Variants in CFAP46 observed in about 807,000 individuals in gnomAD.
The protein encoded by CFAP46 is cilia- and flagella-associated protein 46.
CFAP46 carries 245 observed loss-of-function variants against 325.7 expected under a neutral mutation model. The observed-to-expected ratio is 0.75, with a 90% CI of 0.68 to 0.84. The LOEUF is 0.84. CFAP46 is among the 40% of genes least tolerant of loss of function. The pLI, the probability that CFAP46 is intolerant of heterozygous loss-of-function variation, is 0.00. For synonymous variants in CFAP46, 1,523 were observed against 1,495.9 expected (o/e 1.02, Z -0.42); for missense variants, 3,346 against 3,543.0 (o/e 0.94, Z 1.41).
At chr10:132,825,252 CTG>C (rs967571718) in intron 50 of CFAP46, among the ~76,000 whole-genome samples, 11 of 144,166 alleles carry the variant, frequency 7.6e-5, no homozygotes, top group Non-Finnish European at 7.6e-5. Context: ...CTGATGTGTG[CTG>C]TGTGAGTGCT....
chr10:132,860,641 G>A, intron 36 of CFAP46, 118 bp from the exon 37 acceptor site: 1 of 1,181,526 alleles, frequency 8.5e-7, no homozygotes, highest in South Asian at 1.4e-5. Flanking sequence ...GGTAGATACG[G>A]GTGTGTCTGA....
In CFAP46 at chr10:132,811,043, G is replaced by T. The variant is rs1198206680; in HGVS notation, c.7502-12C>A. 4 of 1,574,632 alleles carry T rather than the reference G, an allele frequency of 2.5e-6. No homozygotes were observed. Among genetic ancestry groups the T allele is most frequent in the East Asian group, 2.3e-5 (1 of 42,974 alleles). On this transcript the variant is annotated splice_polypyrimidine_tract_variant and intron_variant, in intron 55 of 57. Transcript: ENST00000368586. ...TGCCACCTGGCACTCTGCCGGGACG[G>T]GAAGGGCAGCTCAGCAGCCTTGGCC... is the stretch of plus-strand genomic sequence containing the variant.
In CFAP46 at chr10:132,913,165, C is replaced by T. The variant is rs1348142227; in HGVS notation, c.2214G>A (p.Gln738=). The T allele has an allele frequency of 6.5e-7, 1 of 1,550,336 alleles. No homozygotes were observed. The highest frequency in any genetic ancestry group is 8.7e-7 in the Non-Finnish European group (1 of 1,147,012). Residue 738 remains glutamine (Q), a synonymous_variant, in exon 18 of 58, where the codon CAG becomes CAA. Transcript: ENST00000368586. ...GQEIQEAWIV[Q]NAVVYVLNHN... is the part of the protein sequence containing the mutation. ...GGTTCAGGACGTAGACCACGGCGTT[C>T]TGCACAATCCACGCCTCCTGGATCT...
intron 28 of CFAP46, among the ~76,000 whole-genome samples, chr10:132,880,184 G>A (rs1849018628): frequency 1.3e-5 from 2 of 152,206 alleles, no homozygotes; most frequent in African/African-American, 4.8e-5. Flanking sequence ...CTTCACGGCA[G>A]GACTGCCGAG....
chr10:132,823,098 ATGTGCTGATGTGTGCTGTGTG>A (rs1043088772), intron 50 of CFAP46, among the ~76,000 whole-genome samples: 4 of 47,110 alleles, frequency 8.5e-5, no homozygotes, highest in East Asian at 8.5e-4. Flanking sequence ...TGTGCTTTGT[ATGTGCTGATGTGTGCTGTGTG>A]TGTGCTGATG....
At chr10:132,908,815 G>T (rs1849497472) in intron 21 of CFAP46, among the ~76,000 whole-genome samples, 181 bp from the exon 22 acceptor site, 1 of 152,234 alleles carries the variant, frequency 6.6e-6, no homozygotes, top group Non-Finnish European at 1.5e-5. Flanking sequence ...TGATGTCCTT[G>T]TAGCTCCCAC....
At position 132,847,550 on chromosome 10, in the gene CFAP46, G is replaced by A. The variant is rs558690871; in HGVS notation, c.5953-229C>T. On this transcript the variant is annotated intron_variant, in intron 41 of 57. Transcript: ENST00000368586. This position sits in a 1 kb window ranked among gnomAD's most constrained non-coding sequence, Gnocchi z 5.2. ...GGCAAGGGGACGCTGGAGCCTGGGC[G>A]AGGGGATGCTGCAGCCAGGGTGAGG... Among the ~76,000 whole-genome samples the A allele has an allele frequency of 2.0e-5, 3 of 151,514 alleles. No individual in the cohort carries two copies. Among genetic ancestry groups the A allele is most frequent in the African/African-American group, 4.8e-5 (2 of 41,382 alleles).
At chr10:132,912,437 C>G in intron 19 of CFAP46, among the ~76,000 whole-genome samples, 1 of 122,254 alleles carries the variant, frequency 8.2e-6, no homozygotes, top group Non-Finnish European at 1.7e-5. Flanking sequence ...ACCTCCCTCT[C>G]TCCTCTCCTC....
chr10:132,864,208 G>C (rs1591061483), intron 35 of CFAP46, among the ~76,000 whole-genome samples: 1 of 105,752 alleles, frequency 9.5e-6, no homozygotes, highest in Non-Finnish European at 1.8e-5. Flanking sequence ...TCCCCCGCCT[G>C]AGACCTGCAC....
At chr10:132,909,707 G>A (rs965703409) in intron 20 of CFAP46, among the ~76,000 whole-genome samples, 6 of 152,248 alleles carry the variant, frequency 3.9e-5, no homozygotes, top group Non-Finnish European at 7.3e-5. Flanking sequence ...GCAGCTCACA[G>A]ACCCCGTGGA....
At chr10:132,887,617 T>C (rs183046238) in intron 25 of CFAP46, among the ~76,000 whole-genome samples, 8 of 23,470 alleles carry the variant, frequency 3.4e-4, no homozygotes, top group East Asian at 3.9e-3. Flanking sequence ...CTCTCCTCTC[T>C]CCTCTTCTCT....
chr10:132,899,504 G>A (rs937773018), intron 23 of CFAP46, 31 bp downstream of exon 23: 31 of 1,527,270 alleles, frequency 2.0e-5, no homozygotes, highest in African/African-American at 4.1e-5. Flanking sequence ...GGGAGGGACA[G>A]AGCCCACCCC....
In CFAP46 at chr10:132,832,560, C is replaced by T. The variant is rs1433048379; in HGVS notation, c.7117+798G>A. On this transcript the variant is annotated intron_variant, in intron 50 of 57. Transcript: ENST00000368586. This position sits in a 1 kb window ranked among gnomAD's most constrained non-coding sequence, Gnocchi z 4.1. ...TTTCTCTGGTTTTTATTTGTCTCAG[C>T]TGGAAGAACGAATCTGGTCCCTGTT... 3.0e-6 allele frequency: 1 copy of T among 334,002 alleles called. No homozygotes were observed. Among genetic ancestry groups the T allele is most frequent in the African/African-American group, 2.2e-5 (1 of 45,988 alleles). 20.7% of individuals were successfully genotyped at this position (334,002 alleles called of 1,614,324 possible). A position where few individuals can be genotyped will look rare whatever the true frequency, so the allele number is the denominator to read the frequency against.
chr10:132,922,135 C>A lies in CFAP46; in HGVS notation c.1575G>T (p.Gln525His), dbSNP rs370529930. Reference sequence around the variant, plus strand: ...CCTCATTCTCACTGTCCAGCACAATCTGAAACGCGTCAGGGGCTAAGGCCA... The same window carrying A: ...CCTCATTCTCACTGTCCAGCACAATATGAAACGCGTCAGGGGCTAAGGCCA... ...AGLALAPDAFQIVLDSENEAK... is the reference protein window; with the variant it reads ...AGLALAPDAFHIVLDSENEAK... The change falls in exon 13 of 58, where the codon CAG becomes CAT. Residue 525 changes from glutamine (Q) to histidine (H), a missense_variant. Physicochemically the swap from Gln to His is conservative, Grantham distance 24. Coordinates refer to ENST00000368586, the MANE Select transcript of CFAP46 (RefSeq NM_001200049.3). The A allele has an allele frequency of 2.9e-4, 453 of 1,550,390 alleles. 1 individual carries two copies. Among genetic ancestry groups the A allele is most frequent in the Middle Eastern group, 6.7e-4 (4 of 5,984 alleles).
At chr10:132,812,133 C>T (rs557071808) in intron 55 of CFAP46, among the ~76,000 whole-genome samples, 22 of 152,332 alleles carry the variant, frequency 1.4e-4, no homozygotes, top group African/African-American at 5.1e-4. Context: ...ACTCGCCCTG[C>T]GGTGTCCGAG....
chr10:132,832,905 G>A lies in CFAP46; in HGVS notation c.7117+453C>T. On this transcript the variant is annotated intron_variant, in intron 50 of 57. Coordinates refer to ENST00000368586, the MANE Select transcript of CFAP46 (RefSeq NM_001200049.3). The surrounding 1 kb of genome is among the most constrained non-coding windows in gnomAD (Gnocchi z 4.1). ...GAACAGCGTTAAGTTTGTCTTCCCT[G>A]TGTGTTTAGCACCAGGATACTGGCA... The A allele has an allele frequency of 4.4e-6, 2 of 451,886 alleles. No homozygotes were observed. Among genetic ancestry groups the A allele is most frequent in the South Asian group, 1.6e-5 (1 of 63,836 alleles). 28.0% of individuals were successfully genotyped at this position (451,886 alleles called of 1,614,324 possible).
rs746681315 is a variant in CFAP46, at chr10:132,922,184, C to T, written c.1526G>A (p.Arg509Gln). The T allele has an allele frequency of 6.1e-5, 95 of 1,550,506 alleles. 2 individuals are homozygous for T. The highest frequency in any genetic ancestry group is 5.0e-4 in the Middle Eastern group (3 of 5,988). ...CAGGCCTGCATTCACCAGGAGGGCC[C>T]GCTTCTTCCTGACGCTGTCCTTTGG... ...ATPKDSVRKK[R>Q]ALLVNAGLAL... The change falls in exon 13 of 58, where the codon CGG (arginine) becomes CAG (glutamine). Residue 509 changes from arginine to glutamine, a missense_variant. Physicochemically the swap from Arg to Gln is conservative, Grantham distance 43. Transcript: ENST00000368586.
chr10:132,865,132 A>G (rs1169960259), intron 35 of CFAP46, among the ~76,000 whole-genome samples: 1 of 152,112 alleles, frequency 6.6e-6, no homozygotes, highest in East Asian at 1.9e-4. Flanking sequence ...GCTCTGCCTC[A>G]CCCTCCCAGT....
intron 50 of CFAP46, among the ~76,000 whole-genome samples, chr10:132,822,749 CTG>C (rs1378535458): frequency 5.4e-5 from 6 of 111,678 alleles, no homozygotes; most frequent in African/African-American, 1.4e-4. Flanking sequence ...GTGATGTGTG[CTG>C]TGTGAGTGCT....
Sources: allele counts gnomAD v4.1 joint callset (sites outside exome capture counted in the v4.1 genomes callset), GRCh38; gene constraint gnomAD v4.1.1; non-coding constraint Gnocchi (gnomAD v3.1); transcripts MANE v1.5; gene names NCBI Gene and HGNC (gene_info 2026-07-23, HGNC 2026-07-21).